The following SGSH variants were observed in gnomAD, a reference collection of about 807,000 sequenced individuals.
SGSH encodes the protein N-sulfoglucosamine sulfohydrolase.
In SGSH, 48 loss-of-function variants were observed where a neutral mutation model predicts 51.0. The observed-to-expected ratio is 0.94, with a 90% confidence interval of 0.75 to 1.20. The LOEUF (loss-of-function observed/expected upper bound fraction) is 1.20. Among genes scored for constraint, SGSH ranks in the 50% most tolerant of loss-of-function variants. The pLI is 0.00. For synonymous variants in SGSH, 321 were observed against 313.4 expected (o/e 1.02, Z -0.26); for missense variants, 662 against 717.8 (o/e 0.92, Z 0.89).
At chr17:80,207,022 G>A (rs1363364617), downstream of SGSH, 5 of 1,613,966 alleles carry the variant, frequency 3.1e-6, no homozygotes, top group African/African-American at 1.3e-5. Context: ...ACCCTGCACA[G>A]GATGGACATC....
At position 80,212,201 on chromosome 17, in the gene SGSH, G is replaced by T; in HGVS notation, c.819C>A (p.Asp273Glu). 2.5e-6 allele frequency: 4 copies of T among 1,613,470 alleles called. No individual in the cohort carries two copies. The highest frequency in any genetic ancestry group is 3.4e-6 in the Non-Finnish European group (4 of 1,180,020). ...TGCCGCTGGGGAAGGGGATCCCGTTGTCGGACGTGAAGATCACCAGTGTGT... is the reference window on the plus strand; with the variant it reads ...TGCCGCTGGGGAAGGGGATCCCGTTTTCGGACGTGAAGATCACCAGTGTGT... ...LNDTLVIFTS[D>E]NGIPFPSGRT... Residue 273 changes from aspartate to glutamate, a missense_variant, in exon 7 of 8, where the codon GAC becomes GAA. Coordinates refer to ENST00000326317, the MANE Select transcript of SGSH (RefSeq NM_000199.5). This position sits in a 1 kb window ranked among gnomAD's most constrained non-coding sequence, Gnocchi z 5.9.
rs141810727 is a variant in SGSH at position 80,210,037 on chromosome 17, T to C, written c.*415A>G. Reference sequence around the variant, plus strand: ...CTGCTCTCTGTGAAGGGTTCAGAAGTATCTGTGGCTGCCAAAGCCTGAAGA... The same window carrying C: ...CTGCTCTCTGTGAAGGGTTCAGAAGCATCTGTGGCTGCCAAAGCCTGAAGA... On this transcript the variant is annotated 3_prime_UTR_variant, in exon 8 of 8. Coordinates refer to ENST00000326317, the MANE Select transcript of SGSH (RefSeq NM_000199.5). 2,267 of 1,096,362 alleles carry C rather than the reference T, an allele frequency of 2.1e-3. 25 individuals are homozygous for C. The African/African-American group carries it at 0.029, about 14-fold the overall frequency. The allele number at this position is 1,096,362 out of a possible 1,614,324, so 67.9% of individuals were successfully genotyped here. A position where few individuals can be genotyped will look rare whatever the true frequency, so the allele number is the denominator to read the frequency against.
At chr17:80,207,788 C>T (rs1288563533), downstream of SGSH, 1 of 262,360 alleles carries the variant, frequency 3.8e-6, no homozygotes, top group Non-Finnish European at 7.1e-6. Context: ...GGCCAGAACC[C>T]CACCCGGCCT....
At chr17:80,215,547 G>C (rs1227172582) in intron 2 of SGSH, among the ~76,000 whole-genome samples, 1 of 152,198 alleles carries the variant, frequency 6.6e-6, no homozygotes, top group Admixed American at 6.5e-5. Context: ...CCGGCCGGGC[G>C]TGGTGGCTCA....
chr17:80,211,343 G>GAGAGAGATGTGGGCCCCA (rs1488661163), intron 7 of SGSH: 5 of 439,264 alleles, frequency 1.1e-5, no homozygotes, highest in African/African-American at 6.3e-5. Context: ...TTTGGGGCCA[G>GAGAGAGATGTGGGCCCCA]AGAGAGATGT....
Position 80,214,268 on chromosome 17 carries a change from C to T in SGSH, c.567G>A (p.Gln189=), listed in dbSNP as rs778755182. 1 of 1,613,292 alleles carries T rather than the reference C, an allele frequency of 6.2e-7. No individual in the cohort carries two copies. Among genetic ancestry groups the T allele is most frequent in the Non-Finnish European group, 8.5e-7 (1 of 1,180,018 alleles). ...DPHRCGHSQP[Q]YGTFCEKFGN... ...CAAACTTCTCACAGAAGGTTCCGTA[C>T]TGGGGCTGGGAGTGCCCACAGCGGT... The change falls in exon 5 of 8, where the codon CAG becomes CAA. Residue 189 remains glutamine, a synonymous_variant. Coordinates refer to ENST00000326317, the MANE Select transcript of SGSH (RefSeq NM_000199.5).
chr17:80,218,277 G>A (rs1187142918), intron 1 of SGSH, among the ~76,000 whole-genome samples: 1 of 152,226 alleles, frequency 6.6e-6, no homozygotes, highest in Non-Finnish European at 1.5e-5. Flanking sequence ...AAGGCCTAGT[G>A]ACCTTGCAGG....
downstream of SGSH, chr17:80,208,296 T>C: frequency 1.9e-6 from 3 of 1,604,192 alleles, no homozygotes; most frequent in South Asian, 3.4e-5. Context: ...CGCCAGGCCA[T>C]CGCCGACGAG....
chr17:80,215,321 C>T (rs2144758509), intron 2 of SGSH, among the ~76,000 whole-genome samples, 183 bp from the exon 3 acceptor site: 1 of 152,326 alleles, frequency 6.6e-6, no homozygotes, highest in East Asian at 1.9e-4. Flanking sequence ...GCCCATGGGT[C>T]CCTCCCGTGA....
downstream of SGSH, chr17:80,205,623 C>T (rs201390554): frequency 1.7e-5 from 27 of 1,566,076 alleles, no homozygotes; most frequent in African/African-American, 2.7e-5. Flanking sequence ...CTGGGTGACC[C>T]GCCATGCTGT....
chr17:80,208,025 G>A (rs2041436673), downstream of SGSH: 3 of 745,206 alleles, frequency 4.0e-6, no homozygotes, highest in African/African-American at 1.8e-5. Context: ...TCCCCTCAAA[G>A]CGAGGCCACC....
rs1424270469 is a variant in SGSH at position 80,209,566 on chromosome 17, A to ATG, written c.*885_*886insCA. ...CCCAAGCCAGAGGACGGGCATCGCC[A>ATG]CCCAGCAACGCCAGTGTCACCGAAG... On this transcript the variant is annotated 3_prime_UTR_variant, in exon 8 of 8. Coordinates refer to ENST00000326317, the MANE Select transcript of SGSH (RefSeq NM_000199.5). 2 of 934,650 alleles carry ATG rather than the reference A, an allele frequency of 2.1e-6. No homozygotes were observed. Among genetic ancestry groups the ATG allele is most frequent in the African/African-American group, 3.7e-5 (2 of 54,050 alleles). The allele number at this position is 934,650 out of a possible 1,614,324, so 57.9% of individuals were successfully genotyped here.
downstream of SGSH, chr17:80,205,386 C>A: frequency 8.1e-7 from 1 of 1,233,818 alleles, no homozygotes; most frequent in Non-Finnish European, 1.1e-6. Flanking sequence ...GCGGGGTGTG[C>A]AGGGTCAGGT....
At position 80,209,359 on chromosome 17, in the gene SGSH, C is replaced by G. The variant is rs2041529203; in HGVS notation, c.*1093G>C. The G allele has an allele frequency of 1.0e-6, 1 of 985,242 alleles. No homozygotes were observed. The highest frequency in any genetic ancestry group is 1.1e-4 in the East Asian group (1 of 8,800). The allele number at this position is 985,242 out of a possible 1,614,324, so 61.0% of individuals were successfully genotyped here. ...TGGCCTGTGGCCTCCTCCAGCCCAC[C>G]CCAGTATGGAGTGATAGGGAGGGAA... On this transcript the variant is annotated 3_prime_UTR_variant, in exon 8 of 8. Transcript: ENST00000326317.
downstream of SGSH, chr17:80,202,102 C>T (rs931482997): frequency 7.3e-7 from 1 of 1,366,850 alleles, no homozygotes; most frequent in African/African-American, 1.4e-5. Context: ...TCCTTCTCTC[C>T]TACTTTAATT....
In SGSH at chr17:80,210,312, CAGGA is replaced by C. The variant is rs944358974; in HGVS notation, c.*136_*139del. 4.9e-6 allele frequency: 7 copies of C among 1,439,458 alleles called. No individual in the cohort carries two copies. In the African/African-American group the frequency reaches 1.0e-4, roughly 21 times the overall value. The allele number at this position is 1,439,458 out of a possible 1,614,324, so 89.2% of individuals were successfully genotyped here. A position where few individuals can be genotyped will look rare whatever the true frequency, so the allele number is the denominator to read the frequency against. ...CCAGGCAATGGCAAGAGTGACCCCA[CAGGA>C]AGGAAGAACCCTCCTTGGATGGGAG... is the stretch of plus-strand genomic sequence containing the variant. On this transcript the variant is annotated 3_prime_UTR_variant, in exon 8 of 8. Transcript: ENST00000326317.
At chr17:80,201,345 C>T in the SGSH span, 2 of 187,452 alleles carry the variant, frequency 1.1e-5, no homozygotes, top group Non-Finnish European at 2.3e-5. This position sits in a 1 kb window ranked among gnomAD's most constrained non-coding sequence, Gnocchi z 5.0. Flanking sequence ...ACTCAGCATC[C>T]TGTAGGGCCC....
chr17:80,216,983 A>G (rs1334226409), intron 2 of SGSH, 49 bp downstream of exon 2: 1 of 1,502,242 alleles, frequency 6.7e-7, no homozygotes, highest in Non-Finnish European at 8.9e-7. Flanking sequence ...CCCCGGACGC[A>G]GCCTGTCTAC....
rs1051406600 is a variant in SGSH, at chr17:80,213,515, C to T, written c.745+289G>A. ...GCATATGCTAAGGAACTCCAAACCC[C>T]CAAATCTGACCCAGGTCCTGTGACT... On this transcript the variant is annotated intron_variant, in intron 6 of 7. Transcript: ENST00000326317. This position sits in a 1 kb window ranked among gnomAD's most constrained non-coding sequence, Gnocchi z 4.6. 1.9e-5 allele frequency: 10 copies of T among 533,088 alleles called. No homozygotes were observed. The African/African-American group carries it at 1.9e-4, about 10-fold the overall frequency. 33.0% of individuals were successfully genotyped at this position (533,088 alleles called of 1,614,324 possible). A position where few individuals can be genotyped will look rare whatever the true frequency, so the allele number is the denominator to read the frequency against.
Sources: allele counts gnomAD v4.1 joint callset (sites outside exome capture counted in the v4.1 genomes callset), GRCh38; gene constraint gnomAD v4.1.1; non-coding constraint Gnocchi (gnomAD v3.1); transcripts MANE v1.5; gene names NCBI Gene and HGNC (gene_info 2026-07-23, HGNC 2026-07-21).